GADL1: variants seen among roughly 807,000 people sequenced by gnomAD.
GADL1 encodes the protein acidic amino acid decarboxylase GADL1.
Under a neutral mutation model 69.5 loss-of-function variants are expected in GADL1, and 71 were observed. The observed-to-expected ratio is 1.02, with a 90% confidence interval of 0.84 to 1.25. GADL1 has a LOEUF of 1.25. GADL1 is among the 50% of genes most tolerant of loss of function. The pLI is 0.00. For missense variants in GADL1, 737 were observed against 631.8 expected (o/e 1.17, Z -1.79); for synonymous variants, 254 against 214.4 (o/e 1.18, Z -1.62).
chr3:30,776,770 G>T (rs374012151), intron 14 of GADL1, among the ~76,000 whole-genome samples: 1 of 152,132 alleles, frequency 6.6e-6, no homozygotes, highest in Non-Finnish European at 1.5e-5. Flanking sequence ...GCTTTCTGCC[G>T]TGGAAGGCAA....
chr3:30,758,296 C>T (rs1696029047), intron 14 of GADL1, among the ~76,000 whole-genome samples: 1 of 152,182 alleles, frequency 6.6e-6, no homozygotes, highest in African/African-American at 2.4e-5. Flanking sequence ...GCACTCCACT[C>T]TCTGAAAGAG....
chr3:30,782,921 G>T (rs991318465), intron 13 of GADL1, among the ~76,000 whole-genome samples: 3 of 152,164 alleles, frequency 2.0e-5, no homozygotes, highest in Non-Finnish European at 4.4e-5. Flanking sequence ...TTAGGAGGTA[G>T]TTATATAGTT....
chr3:30,889,904 A>G (rs1378465642), intron 1 of GADL1, among the ~76,000 whole-genome samples: 1 of 152,208 alleles, frequency 6.6e-6, no homozygotes, highest in East Asian at 1.9e-4. Flanking sequence ...AATATAATCA[A>G]AAGAATTTAA....
intron 11 of GADL1, among the ~76,000 whole-genome samples, chr3:30,826,603 T>C (rs1308918231): frequency 6.6e-6 from 1 of 151,870 alleles, no homozygotes. Context: ...AGGATGAAAT[T>C]GGGAGACCGT....
intron 4 of GADL1, among the ~76,000 whole-genome samples, chr3:30,853,964 CA>C (rs1380377889): frequency 4.6e-5 from 7 of 152,102 alleles, no homozygotes; most frequent in Non-Finnish European, 8.8e-5. Context: ...GACTCATAAA[CA>C]TGGTCACCTG....
chr3:30,805,733 C>A (rs1014586705), intron 11 of GADL1, among the ~76,000 whole-genome samples: 2 of 75,692 alleles, frequency 2.6e-5, no homozygotes, highest in African/African-American at 8.1e-5. Context: ...CAGTCCCCAG[C>A]CTTTTTTTTT....
intron 14 of GADL1, among the ~76,000 whole-genome samples, chr3:30,733,318 C>A (rs1695492120): frequency 6.6e-6 from 1 of 152,158 alleles, no homozygotes; most frequent in East Asian, 1.9e-4. Context: ...GGGATTGCTG[C>A]TGTGGCTTTC....
intron 11 of GADL1, among the ~76,000 whole-genome samples, chr3:30,829,385 T>C (rs1036672976): frequency 6.6e-6 from 1 of 151,914 alleles, no homozygotes; most frequent in Non-Finnish European, 1.5e-5. Context: ...ATGTCAGGGC[T>C]TTGTAGGTAC....
intron 14 of GADL1, among the ~76,000 whole-genome samples, chr3:30,756,901 G>GTT (rs1310847428): frequency 2.3e-5 from 1 of 43,658 alleles, no homozygotes; most frequent in Non-Finnish European, 3.9e-5. Context: ...TTTGGGGGTA[G>GTT]TTTATGTAGC....
At chr3:30,748,891 C>T (rs556202649) in intron 14 of GADL1, among the ~76,000 whole-genome samples, 1 of 152,196 alleles carries the variant, frequency 6.6e-6, no homozygotes, top group East Asian at 1.9e-4. Flanking sequence ...ATGTCTTACC[C>T]CTTGGGATGT....
At chr3:30,732,221 T>C (rs781761418) in intron 14 of GADL1, among the ~76,000 whole-genome samples, 1 of 152,292 alleles carries the variant, frequency 6.6e-6, no homozygotes. Context: ...AAGGAAAATA[T>C]GCATGAACTA....
At chr3:30,809,955 ATATTT>A (rs1252595644) in intron 11 of GADL1, among the ~76,000 whole-genome samples, 2 of 152,200 alleles carry the variant, frequency 1.3e-5, no homozygotes, top group Non-Finnish European at 2.9e-5. Context: ...TCTTGCTCTA[ATATTT>A]TCTCAAATAT....
At chr3:30,802,209 C>T (rs1470686884) in intron 11 of GADL1, among the ~76,000 whole-genome samples, 3 of 152,150 alleles carry the variant, frequency 2.0e-5, no homozygotes, top group Admixed American at 2.0e-4. Flanking sequence ...TGGTCCTGTG[C>T]TTTCCGCATG....
At chr3:30,810,976 C>A (rs1283254944) in intron 11 of GADL1, among the ~76,000 whole-genome samples, 1 of 152,158 alleles carries the variant, frequency 6.6e-6, no homozygotes, top group Non-Finnish European at 1.5e-5. Flanking sequence ...GGCACTGGAT[C>A]AGTTTATCAT....
At chr3:30,841,738 T>C (rs1697969115) in intron 8 of GADL1, among the ~76,000 whole-genome samples, 1 of 151,904 alleles carries the variant, frequency 6.6e-6, no homozygotes, top group Non-Finnish European at 1.5e-5. Flanking sequence ...AACCACTAAG[T>C]GAGAAGCTGA....
chr3:30,759,034 G>C lies in GADL1; in HGVS notation c.1392+19145C>G, dbSNP rs1010612706. ...CATACCTGCACATAATTTCAAACTT[G>C]AGTTAGGTGGGAGAAGAGTCATAAT... On this transcript the variant is annotated intron_variant, in intron 14 of 14. Coordinates refer to ENST00000282538, the MANE Select transcript of GADL1 (RefSeq NM_207359.3). Among the ~76,000 whole-genome samples the C allele has an allele frequency of 2.7e-5, 4 of 146,548 alleles. No individual in the cohort carries two copies. The Admixed American group carries it at 2.8e-4, about 10-fold the overall frequency.
intron 6 of GADL1, among the ~76,000 whole-genome samples, chr3:30,845,881 C>T (rs1247199450): frequency 2.0e-5 from 3 of 152,114 alleles, no homozygotes; most frequent in Non-Finnish European, 4.4e-5. Flanking sequence ...GCCTACCCCA[C>T]TGACATCTAA....
At chr3:30,869,043 G>T (rs1282869684) in intron 1 of GADL1, among the ~76,000 whole-genome samples, 4 of 150,050 alleles carry the variant, frequency 2.7e-5, no homozygotes, top group South Asian at 2.1e-4. Context: ...ATTAATAAGA[G>T]CCTCACCCAG....
In GADL1 at chr3:30,844,192, C is replaced by A. The variant is rs1698016570; in HGVS notation, c.786+18G>T. ...ACACACACACGTTCTCTCTCCCTCT[C>A]GCTTTCTCCCCTCTCACCTCTTTTC... On this transcript the variant is annotated intron_variant, in intron 8 of 14. Coordinates refer to ENST00000282538, the MANE Select transcript of GADL1 (RefSeq NM_207359.3). 6.2e-7 allele frequency: 1 copy of A among 1,604,202 alleles called. No homozygotes were observed. Among genetic ancestry groups the A allele is most frequent in the Non-Finnish European group, 8.5e-7 (1 of 1,173,950 alleles).
Sources: allele counts gnomAD v4.1 joint callset (sites outside exome capture counted in the v4.1 genomes callset), GRCh38; gene constraint gnomAD v4.1.1; transcripts MANE v1.5; gene names NCBI Gene and HGNC (gene_info 2026-07-23, HGNC 2026-07-21).